The following PI4K2A variants were observed in gnomAD, a reference collection of about 807,000 sequenced individuals.
The protein encoded by PI4K2A is phosphatidylinositol 4-kinase type 2 alpha.
In PI4K2A, 20 loss-of-function variants were observed where a neutral mutation model predicts 55.0. The observed-to-expected ratio is 0.36, with a 90% confidence interval of 0.26 to 0.53. The LOEUF (loss-of-function observed/expected upper bound fraction) is 0.53. Ranked by LOEUF, PI4K2A falls within the 20% of genes least tolerant of loss-of-function variation. The probability of loss-of-function intolerance (pLI) is 0.91; values close to 1 mark genes in which losing one functional copy is unlikely to be tolerated. For synonymous variants in PI4K2A, 235 were observed against 258.5 expected (o/e 0.91, Z 0.87); for missense variants, 463 against 637.1 (o/e 0.73, Z 2.94).
At chr10:97,666,502 G>A in exon 7 of PI4K2A, 1 of 1,612,910 alleles carries the variant, frequency 6.2e-7, no homozygotes, top group East Asian at 2.2e-5. Flanking sequence ...TCAAAGATCT[G>A]ATCCTTCCAA....
At position 97,656,401 on chromosome 10, in the gene PI4K2A, C is replaced by A. The variant is rs569562738; in HGVS notation, c.753C>A (p.Ile251=). 3 of 1,613,874 alleles carry A rather than the reference C, an allele frequency of 1.9e-6. No homozygotes were observed. The highest frequency in any genetic ancestry group is 2.5e-6 in the Non-Finnish European group (3 of 1,179,980). The change falls in exon 3 of 9, where the codon ATC becomes ATA. Residue 251 remains isoleucine (I), a synonymous_variant. Transcript: ENST00000370631. The surrounding 1 kb of genome is among the most constrained non-coding windows in gnomAD (Gnocchi z 4.5). ...AAGTTGGACAGCGGTTTAACCGCAT[C>A]GGGCTACCACCAAAGGTATAGACGC...
At chr10:97,647,034 G>C (rs143151291) in intron 1 of PI4K2A, among the ~76,000 whole-genome samples, 2,197 of 151,678 alleles carry the variant, frequency 0.014, 37 homozygotes, top group African/African-American at 0.049. Context: ...CACCTGCCTT[G>C]GCCTCCCAAG....
chr10:97,659,661 A>G (rs749620530), intron 4 of PI4K2A, among the ~76,000 whole-genome samples: 2 of 152,028 alleles, frequency 1.3e-5, no homozygotes, highest in Non-Finnish European at 2.9e-5. Context: ...GGCACCCTCA[A>G]GCTATTTGCA....
chr10:97,647,579 T>G (rs1438091485), intron 1 of PI4K2A, among the ~76,000 whole-genome samples: 1 of 152,218 alleles, frequency 6.6e-6, no homozygotes, highest in Non-Finnish European at 1.5e-5. Flanking sequence ...TGCAGAATGC[T>G]TGCACATCGT....
At chr10:97,671,433 C>CA (rs1259453602) in intron 8 of PI4K2A, among the ~76,000 whole-genome samples, 2 of 151,068 alleles carry the variant, frequency 1.3e-5, no homozygotes, top group Non-Finnish European at 2.9e-5. Flanking sequence ...GCTTGGGTGA[C>CA]AGAGTGAGAC....
Position 97,657,059 on chromosome 10 carries a change from C to G in PI4K2A, c.922+85C>G. The G allele has an allele frequency of 6.6e-6, 9 of 1,354,014 alleles. No homozygotes were observed. In the South Asian group the frequency reaches 8.4e-5, roughly 13 times the overall value. 83.9% of individuals were successfully genotyped at this position (1,354,014 alleles called of 1,614,324 possible). ...CTGGAGGCTTGCAGGGCTTGGGAGT[C>G]AGAGTACCTTGTCCAGACACATCAT... On this transcript the variant is annotated intron_variant, in intron 4 of 8. Transcript: ENST00000370631.
intron 1 of PI4K2A, among the ~76,000 whole-genome samples, chr10:97,649,053 C>T (rs2041518342): frequency 6.6e-6 from 1 of 152,048 alleles, no homozygotes. Flanking sequence ...GCGACATGGA[C>T]CTAGCTAGTT....
chr10:97,645,623 A>AAG (rs1352564389), intron 1 of PI4K2A, among the ~76,000 whole-genome samples: 2 of 151,616 alleles, frequency 1.3e-5, no homozygotes, highest in African/African-American at 4.8e-5. Context: ...AAAAAAAAAA[A>AAG]AAAAGTTGGT....
Position 97,656,470 on chromosome 10 carries a change from T to C in PI4K2A, c.768+54T>C. ...GTCATGATTTATAGTGACATAGTCA[T>C]CCAAGTGGTGAAGCAAGGTGCCTAC... On this transcript the variant is annotated intron_variant, in intron 3 of 8. Coordinates refer to ENST00000370631, the Ensembl canonical transcript of PI4K2A. This position sits in a 1 kb window ranked among gnomAD's most constrained non-coding sequence, Gnocchi z 4.5. 6.4e-7 allele frequency: 1 copy of C among 1,571,126 alleles called. No individual in the cohort carries two copies. The highest frequency in any genetic ancestry group is 1.1e-5 in the South Asian group (1 of 89,734).
chr10:97,670,097 G>A (rs1368789023), intron 8 of PI4K2A, among the ~76,000 whole-genome samples: 2 of 151,828 alleles, frequency 1.3e-5, no homozygotes, highest in Non-Finnish European at 2.9e-5. Flanking sequence ...GTGGGGTCTC[G>A]CTATGTTGCC....
At chr10:97,657,832 C>T (rs1384512599) in intron 4 of PI4K2A, among the ~76,000 whole-genome samples, 2 of 106,240 alleles carry the variant, frequency 1.9e-5, no homozygotes, top group African/African-American at 6.3e-5. Flanking sequence ...CATCCATCTC[C>T]AGAGCTCTTT....
exon 1 of PI4K2A, chr10:97,640,769 C>T (rs780629776): frequency 7.3e-6 from 11 of 1,509,286 alleles, no homozygotes; most frequent in South Asian, 2.5e-5. Context: ...CACTAGTGTC[C>T]CCCGAGCGGG....
chr10:97,672,895 T>C (rs1176743422), intron 8 of PI4K2A, among the ~76,000 whole-genome samples: 1 of 151,324 alleles, frequency 6.6e-6, no homozygotes, highest in African/African-American at 2.4e-5. Context: ...CCCACCTGGC[T>C]AATTTTTTTG....
exon 9 of PI4K2A, chr10:97,674,454 A>G (rs1460223192): frequency 6.6e-6 from 1 of 152,218 alleles, no homozygotes; most frequent in East Asian, 1.9e-4. Context: ...CTGCTGGCCT[A>G]CAGCTTGTCT....
chr10:97,654,130 C>G (rs1473669091), intron 2 of PI4K2A, among the ~76,000 whole-genome samples: 1 of 152,214 alleles, frequency 6.6e-6, no homozygotes, highest in East Asian at 1.9e-4. Context: ...AATTCTCACT[C>G]ACTGGCTGTC....
intron 7 of PI4K2A, 33 bp downstream of exon 7, chr10:97,666,604 A>C: frequency 6.4e-7 from 1 of 1,559,734 alleles, no homozygotes; most frequent in South Asian, 1.2e-5. Context: ...CTATTATCAT[A>C]TGGGAGAAGG....
chr10:97,642,120 C>G (rs1042088190), intron 1 of PI4K2A, among the ~76,000 whole-genome samples: 2 of 152,148 alleles, frequency 1.3e-5, no homozygotes, highest in African/African-American at 4.8e-5. Context: ...TTATGGGTGT[C>G]AAAGTTTCCT....
At chr10:97,648,126 G>A (rs545907599) in intron 1 of PI4K2A, among the ~76,000 whole-genome samples, 25 of 132,096 alleles carry the variant, frequency 1.9e-4, no homozygotes, top group African/African-American at 5.5e-4. Context: ...ATGCTATTTC[G>A]CTCATTGCCC....
At chr10:97,662,941 C>T in exon 5 of PI4K2A, 3 of 1,605,298 alleles carry the variant, frequency 1.9e-6, no homozygotes, top group Non-Finnish European at 2.6e-6. Flanking sequence ...TTAAATATGA[C>T]TGTCCAATGG....
Sources: allele counts gnomAD v4.1 joint callset (sites outside exome capture counted in the v4.1 genomes callset), GRCh38; gene constraint gnomAD v4.1.1; non-coding constraint Gnocchi (gnomAD v3.1); transcripts MANE v1.5; gene names NCBI Gene and HGNC (gene_info 2026-07-23, HGNC 2026-07-21).